Variants in CRPPA observed in about 807,000 individuals in gnomAD.
CRPPA encodes D-ribitol-5-phosphate cytidylyltransferase.
Under a neutral mutation model 52.0 loss-of-function variants are expected in CRPPA, and 43 were observed. That is an observed-to-expected ratio of 0.83 (90% CI 0.65 to 1.07). CRPPA has a LOEUF of 1.07. CRPPA is among the 50% of genes least tolerant of loss of function. The pLI, the probability that CRPPA is intolerant of heterozygous loss-of-function variation, is 0.00. For missense variants in CRPPA, 629 were observed against 551.7 expected (o/e 1.14, Z -1.40); for synonymous variants, 250 against 203.5 (o/e 1.23, Z -1.94).
At chr7:16,121,856 G>A (rs1425740560) in intron 9 of CRPPA, among the ~76,000 whole-genome samples, 2 of 152,080 alleles carry the variant, frequency 1.3e-5, no homozygotes, top group Non-Finnish European at 2.9e-5. Context: ...GTCATGGTTG[G>A]TCAGGTTTGG....
chr7:16,156,718 T>G (rs1246977622), intron 9 of CRPPA, among the ~76,000 whole-genome samples: 3 of 152,210 alleles, frequency 2.0e-5, no homozygotes, highest in Non-Finnish European at 4.4e-5. Flanking sequence ...AGAAATCCAG[T>G]CTTCATGTTA....
intron 9 of CRPPA, among the ~76,000 whole-genome samples, chr7:16,114,295 T>TAC (rs140597697): frequency 0.33 from 48,265 of 146,978 alleles, 8,827 homozygotes; most frequent in Admixed American, 0.45. Flanking sequence ...CACGCACACA[T>TAC]ACACACACAC....
chr7:16,143,352 A>G (rs1330157466), intron 9 of CRPPA, among the ~76,000 whole-genome samples: 1 of 152,198 alleles, frequency 6.6e-6, no homozygotes, highest in South Asian at 2.1e-4. Context: ...CTTTGGCACA[A>G]CAATGTCAAT....
chr7:16,334,258 G>A (rs1785625836), intron 3 of CRPPA, among the ~76,000 whole-genome samples: 10 of 152,164 alleles, frequency 6.6e-5, no homozygotes, highest in Admixed American at 5.9e-4. Context: ...CTACAGGTCA[G>A]CGATTATGTG....
chr7:16,216,040 A>G, intron 9 of CRPPA, 26 bp downstream of exon 9: 2 of 1,543,212 alleles, frequency 1.3e-6, no homozygotes, highest in Non-Finnish European at 1.8e-6. Flanking sequence ...CAGAACATAC[A>G]TTCGGAAGAT....
intron 5 of CRPPA, among the ~76,000 whole-genome samples, chr7:16,280,964 G>C (rs903539275): frequency 6.6e-6 from 1 of 152,136 alleles, no homozygotes; most frequent in Non-Finnish European, 1.5e-5. Context: ...AGGTTGCACT[G>C]AGCCAAGATC....
intron 2 of CRPPA, among the ~76,000 whole-genome samples, chr7:16,384,266 T>C (rs1221769454): frequency 6.6e-6 from 1 of 152,194 alleles, no homozygotes; most frequent in Non-Finnish European, 1.5e-5. Flanking sequence ...GAACTCACTT[T>C]ATTTGGAAAT....
In CRPPA at chr7:16,167,300, T is replaced by C. The variant is rs1168101979; in HGVS notation, c.1251+48766A>G. Among the ~76,000 whole-genome samples the C allele has an allele frequency of 4.6e-5, 7 of 152,210 alleles. No homozygotes were observed. In the Middle Eastern group the frequency reaches 9.5e-3, roughly 206 times the overall value. ...CACAAATTGGCACTTATTTATACAC[T>C]ATTTCCTACCTGTTTGGGTTGAGCT... On this transcript the variant is annotated intron_variant, in intron 9 of 9. Coordinates refer to ENST00000407010, the MANE Select transcript of CRPPA (RefSeq NM_001101426.4).
intron 8 of CRPPA, among the ~76,000 whole-genome samples, chr7:16,238,265 G>A (rs952668936): frequency 2.6e-5 from 4 of 151,988 alleles, no homozygotes; most frequent in South Asian, 2.1e-4. Context: ...CTCCATGTAG[G>A]CCAAAATATC....
intron 3 of CRPPA, among the ~76,000 whole-genome samples, chr7:16,356,384 G>A (rs1360286287): frequency 6.6e-6 from 1 of 152,088 alleles, no homozygotes; most frequent in Non-Finnish European, 1.5e-5. Context: ...TATAATGACT[G>A]TGGTGTATTA....
intron 8 of CRPPA, among the ~76,000 whole-genome samples, chr7:16,244,875 G>C (rs1294865460): frequency 6.6e-6 from 1 of 152,112 alleles, no homozygotes; most frequent in African/African-American, 2.4e-5. Context: ...CTGAATATCT[G>C]TGGAATCACA....
At chr7:16,258,126 C>T (rs1412563392) in intron 8 of CRPPA, among the ~76,000 whole-genome samples, 1 of 151,990 alleles carries the variant, frequency 6.6e-6, no homozygotes, top group African/African-American at 2.4e-5. Context: ...AATACTTTGC[C>T]ATTTTAGTGA....
At chr7:16,291,315 A>G (rs1044455170) in intron 5 of CRPPA, among the ~76,000 whole-genome samples, 6 of 152,028 alleles carry the variant, frequency 3.9e-5, no homozygotes, top group African/African-American at 1.4e-4. Context: ...ACTCTTCATA[A>G]TAGCCAATAT....
At chr7:16,285,935 G>A (rs1420307142) in intron 5 of CRPPA, among the ~76,000 whole-genome samples, 9 of 138,012 alleles carry the variant, frequency 6.5e-5, no homozygotes, top group Middle Eastern at 3.8e-3. Context: ...CAGGAGAATC[G>A]CTTGAACCTG....
In CRPPA at chr7:16,131,328, G is replaced by A. The variant is rs1171510132; in HGVS notation, c.1252-39529C>T. Among the ~76,000 whole-genome samples, 5 of 152,270 alleles carry A rather than the reference G, an allele frequency of 3.3e-5. No individual in the cohort carries two copies. In the East Asian group the frequency reaches 7.7e-4, roughly 24 times the overall value. ...TAGAGAAAGCTTTAATTTTCTTACA[G>A]AATAAGTGTTCCTGAATACAATGTT... On this transcript the variant is annotated intron_variant, in intron 9 of 9. Transcript: ENST00000407010.
intron 3 of CRPPA, among the ~76,000 whole-genome samples, chr7:16,324,427 T>G (rs995779320): frequency 6.6e-6 from 1 of 152,220 alleles, no homozygotes; most frequent in Non-Finnish European, 1.5e-5. Flanking sequence ...ATGAACCAGT[T>G]TGCTGTTTCT....
intron 9 of CRPPA, among the ~76,000 whole-genome samples, chr7:16,116,847 G>C (rs1782385712): frequency 6.6e-6 from 1 of 152,132 alleles, no homozygotes; most frequent in Non-Finnish European, 1.5e-5. Context: ...ACATGAATAA[G>C]ATTTGTAGCT....
intron 9 of CRPPA, among the ~76,000 whole-genome samples, chr7:16,195,903 G>A (rs1157441506): frequency 6.6e-6 from 1 of 152,066 alleles, no homozygotes; most frequent in Non-Finnish European, 1.5e-5. Context: ...GCTGAGGAAA[G>A]GCCCTGCCAA....
intron 5 of CRPPA, among the ~76,000 whole-genome samples, chr7:16,283,640 T>C (rs1784364492): frequency 6.6e-6 from 1 of 151,618 alleles, no homozygotes. Context: ...TTGGGGGTAA[T>C]TTTCCAGTTG....
Sources: allele counts gnomAD v4.1 joint callset (sites outside exome capture counted in the v4.1 genomes callset), GRCh38; gene constraint gnomAD v4.1.1; transcripts MANE v1.5; gene names NCBI Gene and HGNC (gene_info 2026-07-23, HGNC 2026-07-21).